Variants in RAD50 observed in about 807,000 individuals in gnomAD.
RAD50 encodes the protein DNA repair protein RAD50.
In RAD50, 132 loss-of-function variants were observed where a neutral mutation model predicts 168.8. That is an observed-to-expected ratio of 0.78 (90% CI 0.68 to 0.90). The LOEUF (loss-of-function observed/expected upper bound fraction) is 0.90. RAD50 is among the 40% of genes least tolerant of loss of function. The pLI is 0.00. For missense variants in RAD50, 1,347 were observed against 1,534.4 expected (o/e 0.88, Z 2.04); for synonymous variants, 525 against 497.4 (o/e 1.06, Z -0.74).
rs1036741577 is a variant in RAD50 at position 132,644,980 on chromosome 5, G to C, written c.*2616G>C. ...AGACAGGGTTTCGCCTTGTTGGCCA[G>C]GCTGGTCTTGAACGTCTGGCCTCAA... On this transcript the variant is annotated 3_prime_UTR_variant, in exon 25 of 25. Coordinates refer to ENST00000378823, the MANE Select transcript of RAD50 (RefSeq NM_005732.4). 1 of 152,280 alleles carries C rather than the reference G, an allele frequency of 6.6e-6. No individual in the cohort carries two copies. The highest frequency in any genetic ancestry group is 6.5e-5 in the Admixed American group (1 of 15,284). 9.4% of individuals were successfully genotyped at this position (152,280 alleles called of 1,614,324 possible).
chr5:132,609,442 T>A (rs1465437380), intron 19 of RAD50, 46 bp downstream of exon 19: 1 of 1,602,700 alleles, frequency 6.2e-7, no homozygotes, highest in East Asian at 2.2e-5. Context: ...ATGACATTCT[T>A]TTCTATAGTT....
intron 5 of RAD50, among the ~76,000 whole-genome samples, chr5:132,584,817 CCAT>C (rs967832582): frequency 2.1e-4 from 32 of 151,838 alleles, no homozygotes; most frequent in Admixed American, 9.2e-4. Flanking sequence ...AAGCTGGAAA[CCAT>C]CATTCTCAGC....
chr5:132,583,471 A>T (rs1192564883), intron 5 of RAD50, among the ~76,000 whole-genome samples: 1 of 152,150 alleles, frequency 6.6e-6, no homozygotes, highest in Admixed American at 6.5e-5. Flanking sequence ...AACCATCACT[A>T]AAATGAAGAT....
At chr5:132,581,949 T>TC (rs1355240689) in intron 5 of RAD50, among the ~76,000 whole-genome samples, 24 of 152,106 alleles carry the variant, frequency 1.6e-4, no homozygotes, top group African/African-American at 5.8e-4. Flanking sequence ...CAAGCACATG[T>TC]AATGGTAAGG....
chr5:132,638,001 T>A (rs1751625813), intron 22 of RAD50, 80 bp from the exon 23 acceptor site: 1 of 1,465,336 alleles, frequency 6.8e-7, no homozygotes, highest in African/African-American at 1.4e-5. Context: ...CTGTTGTTCC[T>A]AGGCTTACTT....
In RAD50 at chr5:132,608,613, A is replaced by G; in HGVS notation, c.2719-2A>G. The G allele has an allele frequency of 6.4e-7, 1 of 1,564,968 alleles. No homozygotes were observed. Among genetic ancestry groups the G allele is most frequent in the Non-Finnish European group, 8.7e-7 (1 of 1,152,666 alleles). On this transcript the variant is annotated splice_acceptor_variant, in intron 16 of 24. Transcript: ENST00000378823. LOFTEE classifies it high-confidence loss of function. The stretch of plus-strand genomic sequence containing the variant: ...AATACTTTATCTTTTTTATATTTTT[A>G]GGATGCTAAAGAGCAGGTAAGCCCT...
At chr5:132,609,086 C>T in intron 17 of RAD50, 31 bp from the exon 18 acceptor site, 1 of 1,607,320 alleles carries the variant, frequency 6.2e-7, no homozygotes, top group Non-Finnish European at 8.5e-7. Flanking sequence ...TAAGTACAAC[C>T]AGTGTAAATT....
chr5:132,644,653 T>G lies in RAD50; in HGVS notation c.*2289T>G, dbSNP rs1282908688. 1 of 176,402 alleles carries G rather than the reference T, an allele frequency of 5.7e-6. No homozygotes were observed. The highest frequency in any genetic ancestry group is 1.2e-5 in the Non-Finnish European group (1 of 81,918). 10.9% of individuals were successfully genotyped at this position (176,402 alleles called of 1,614,324 possible). The stretch of plus-strand genomic sequence containing the variant: ...TTGCAGTTATCTTTCATTCCCAGCT[T>G]GGTCACTCCCTCTTATTTGTTGAAG... On this transcript the variant is annotated 3_prime_UTR_variant, in exon 25 of 25. Coordinates refer to ENST00000378823, the MANE Select transcript of RAD50 (RefSeq NM_005732.4).
intron 21 of RAD50, among the ~76,000 whole-genome samples, chr5:132,626,265 G>A (rs1248369608): frequency 2.0e-5 from 3 of 152,188 alleles, no homozygotes; most frequent in East Asian, 1.9e-4. Flanking sequence ...ATATGGGAGT[G>A]CAGATATCTC....
intron 20 of RAD50, 39 bp from the exon 21 acceptor site, chr5:132,618,031 T>C: frequency 6.4e-7 from 1 of 1,554,044 alleles, no homozygotes. Flanking sequence ...TGTTAAAAGC[T>C]AAAAAATGGT....
In RAD50 at chr5:132,645,176, A is replaced by G. The variant is rs188402647; in HGVS notation, c.*2812A>G. The G allele has an allele frequency of 1.2e-3, 179 of 152,186 alleles. No homozygotes were observed. The Middle Eastern group carries it at 0.017, about 14-fold the overall frequency. The allele number at this position is 152,186 out of a possible 1,614,324, so 9.4% of individuals were successfully genotyped here. A position where few individuals can be genotyped will look rare whatever the true frequency, so the allele number is the denominator to read the frequency against. ...CTCCAATAACCCCATGGTGTCTACA[A>G]TTTTCCTGTGGTCCTCAACCCCAGC... On this transcript the variant is annotated 3_prime_UTR_variant, in exon 25 of 25. Transcript: ENST00000378823.
chr5:132,557,070 C>T lies in RAD50; in HGVS notation c.-255C>T, dbSNP rs1028205329. On this transcript the variant is annotated 5_prime_UTR_variant, in exon 1 of 25. Coordinates refer to ENST00000378823, the MANE Select transcript of RAD50 (RefSeq NM_005732.4). Reference sequence around the variant, plus strand: ...GGCTTTGCGTCCCCGGCGGGCAGCCCCAGGCTGGTCCCCGCCTCCGCTCTC... The same window carrying T: ...GGCTTTGCGTCCCCGGCGGGCAGCCTCAGGCTGGTCCCCGCCTCCGCTCTC... The T allele has an allele frequency of 7.6e-6, 5 of 656,418 alleles. No individual in the cohort carries two copies. In the East Asian group the frequency reaches 1.5e-4, roughly 20 times the overall value. 40.7% of individuals were successfully genotyped at this position (656,418 alleles called of 1,614,324 possible).
Position 132,557,093 on chromosome 5 carries a change from C to G in RAD50, c.-232C>G, listed in dbSNP as rs977877375. The G allele has an allele frequency of 4.4e-6, 3 of 681,936 alleles. No homozygotes were observed. Among genetic ancestry groups the G allele is most frequent in the African/African-American group, 3.6e-5 (2 of 55,710 alleles). 42.2% of individuals were successfully genotyped at this position (681,936 alleles called of 1,614,324 possible). On this transcript the variant is annotated 5_prime_UTR_variant, in exon 1 of 25. Transcript: ENST00000378823. ...CCCCAGGCTGGTCCCCGCCTCCGCT[C>G]TCCCCACCGGCGGGGAAAGCAGCTG... is the stretch of plus-strand genomic sequence containing the variant.
intron 13 of RAD50, among the ~76,000 whole-genome samples, chr5:132,600,900 A>G (rs1407865405): frequency 6.6e-6 from 1 of 152,260 alleles, no homozygotes; most frequent in Non-Finnish European, 1.5e-5. Context: ...ATATCAGAAC[A>G]TCACATTGTA....
At position 132,575,672 on chromosome 5, in the gene RAD50, C is replaced by T. The variant is rs1485361376; in HGVS notation, c.214-105C>T. On this transcript the variant is annotated intron_variant, in intron 2 of 24. Transcript: ENST00000378823. ...AATATCACTCATTTTGGATGTTTTT[C>T]TTTTTGTTCCCTCATTTTGGGTAAG... 4 of 1,085,682 alleles carry T rather than the reference C, an allele frequency of 3.7e-6. No homozygotes were observed. In the African/African-American group the frequency reaches 6.3e-5, roughly 17 times the overall value. 67.3% of individuals were successfully genotyped at this position (1,085,682 alleles called of 1,614,324 possible). A position where few individuals can be genotyped will look rare whatever the true frequency, so the allele number is the denominator to read the frequency against.
intron 24 of RAD50, among the ~76,000 whole-genome samples, chr5:132,641,325 G>T (rs1421803193): frequency 6.6e-6 from 1 of 152,166 alleles, no homozygotes; most frequent in African/African-American, 2.4e-5. Context: ...CCTGGGGTCA[G>T]TGTAGACGCC....
At position 132,645,407 on chromosome 5, in the gene RAD50, A is replaced by T. The variant is rs965049108; in HGVS notation, c.*3043A>T. ...TCTGCCTCCTCCCTGCAACACCTGC[A>T]CATCCCGTTTCCTTTGCTGTTTCCT... On this transcript the variant is annotated 3_prime_UTR_variant, in exon 25 of 25. Transcript: ENST00000378823. 2.0e-5 allele frequency: 3 copies of T among 152,612 alleles called. No individual in the cohort carries two copies. The highest frequency in any genetic ancestry group is 4.4e-5 in the Non-Finnish European group (3 of 68,292). 9.5% of individuals were successfully genotyped at this position (152,612 alleles called of 1,614,324 possible).
intron 13 of RAD50, among the ~76,000 whole-genome samples, chr5:132,600,882 G>A (rs1390118266): frequency 2.0e-5 from 3 of 152,236 alleles, no homozygotes; most frequent in Middle Eastern, 3.4e-3. Flanking sequence ...ATTGTGCATT[G>A]TGTACATATA....
chr5:132,561,186 C>T (rs1357350373), intron 2 of RAD50, among the ~76,000 whole-genome samples: 3 of 151,716 alleles, frequency 2.0e-5, no homozygotes, highest in Non-Finnish European at 4.4e-5. Flanking sequence ...TTGGGTCTAC[C>T]TTTGCTTGAT....
Sources: allele counts gnomAD v4.1 joint callset (sites outside exome capture counted in the v4.1 genomes callset), GRCh38; gene constraint gnomAD v4.1.1; transcripts MANE v1.5; gene names NCBI Gene and HGNC (gene_info 2026-07-23, HGNC 2026-07-21).